Variants in PLEKHA7 observed in about 807,000 individuals in gnomAD.
PLEKHA7 encodes pleckstrin homology domain-containing family A member 7.
Under a neutral mutation model 170.0 loss-of-function variants are expected in PLEKHA7, and 104 were observed. The ratio of observed to expected loss-of-function variants is 0.61; its 90% CI spans 0.52 to 0.72. The LOEUF is 0.72. PLEKHA7 is among the 30% of genes least tolerant of loss of function. PLEKHA7 has a pLI of 0.00. For missense variants in PLEKHA7, 1,615 were observed against 1,671.7 expected (o/e 0.97, Z 0.59); for synonymous variants, 648 against 660.8 (o/e 0.98, Z 0.30).
At chr11:16,965,042 C>T (rs1191112584) in intron 3 of PLEKHA7, among the ~76,000 whole-genome samples, 4 of 151,674 alleles carry the variant, frequency 2.6e-5, no homozygotes, top group East Asian at 1.9e-4. Flanking sequence ...GATACAGTGG[C>T]TCATGCCTGT....
intron 3 of PLEKHA7, among the ~76,000 whole-genome samples, chr11:16,973,641 G>T (rs939289110): frequency 2.0e-5 from 3 of 152,160 alleles, no homozygotes; most frequent in Non-Finnish European, 4.4e-5. Context: ...TCAATTGCAG[G>T]TGAGGCCTGG....
rs1293380721 is a variant in PLEKHA7, at chr11:16,817,184, G to C, written c.1482C>G (p.Asp494Glu). The change falls in exon 11 of 27, where the codon GAC becomes GAG. Residue 494 changes from aspartate (D) to glutamate (E), a missense_variant. By Grantham distance (45) the Asp-to-Glu change is conservative (BLOSUM62 2). Coordinates refer to ENST00000531066, the MANE Select transcript of PLEKHA7 (RefSeq NM_001329630.2). The surrounding 1 kb of genome is among the most constrained non-coding windows in gnomAD (Gnocchi z 4.4). ...TGGCTCGGTCCTGCGCATACTTGTAGTCACTTGGCAGGTTTCGGGGAGGTG... is the reference window on the plus strand; with the variant it reads ...TGGCTCGGTCCTGCGCATACTTGTACTCACTTGGCAGGTTTCGGGGAGGTG... ...SSPPPRNLPS[D>E]YKYAQDRASH... is the part of the protein sequence containing the mutation. 1.2e-6 allele frequency: 2 copies of C among 1,614,194 alleles called. No individual in the cohort carries two copies. The highest frequency in any genetic ancestry group is 2.2e-5 in the South Asian group (2 of 91,084).
intron 3 of PLEKHA7, among the ~76,000 whole-genome samples, chr11:16,908,266 A>AG (rs1429158261): frequency 1.4e-5 from 2 of 145,584 alleles, no homozygotes; most frequent in African/African-American, 2.5e-5. Flanking sequence ...TAAAAAAAAA[A>AG]AAAAGAAAAT....
intron 3 of PLEKHA7, among the ~76,000 whole-genome samples, chr11:16,989,623 T>C (rs1441070094): frequency 1.4e-4 from 21 of 152,212 alleles, no homozygotes; most frequent in Non-Finnish European, 1.5e-5. Context: ...GGTTTATCCA[T>C]CTCCCCACAC....
intron 3 of PLEKHA7, among the ~76,000 whole-genome samples, chr11:16,994,520 G>T (rs753328486): frequency 1.6e-4 from 24 of 152,246 alleles, no homozygotes; most frequent in Admixed American, 1.3e-4. Context: ...ATAGGTGGGG[G>T]CTGGAGTCTG....
chr11:17,005,506 T>A (rs1483661886), intron 3 of PLEKHA7, among the ~76,000 whole-genome samples: 1 of 152,040 alleles, frequency 6.6e-6, no homozygotes, highest in Non-Finnish European at 1.5e-5. Flanking sequence ...CAGTCTAGCC[T>A]AGGTGACAGA....
chr11:16,957,466 G>A (rs186080451), intron 3 of PLEKHA7, among the ~76,000 whole-genome samples: 1 of 152,242 alleles, frequency 6.6e-6, no homozygotes, highest in Admixed American at 6.5e-5. Context: ...AATATCCAGA[G>A]CAGATAAGTC....
In PLEKHA7 at chr11:16,794,742, C is replaced by T. The variant is rs149375585; in HGVS notation, c.2519-28G>A. The T allele has an allele frequency of 4.0e-3, 6,451 of 1,604,704 alleles. 19 individuals are homozygous for T. The highest frequency in any genetic ancestry group is 8.3e-3 in the Middle Eastern group (50 of 6,024). ...AAGGGGCATAGAAGGAAACAAAGCA[C>T]GGGATGGAACAAAGACCCCCTTCCT... On this transcript the variant is annotated intron_variant, in intron 18 of 26. Transcript: ENST00000531066.
rs568937247 is a variant in PLEKHA7 at position 16,989,061 on chromosome 11, G to A, written c.221+24928C>T. Among the ~76,000 whole-genome samples, 9 of 152,284 alleles carry A rather than the reference G, an allele frequency of 5.9e-5. No homozygotes were observed. The South Asian group carries it at 1.0e-3, about 18-fold the overall frequency. ...CCTCAAAGGGGTGACCCATGAATGC[G>A]CCCCAGTGCTCCATCTGTGATCTCC... On this transcript the variant is annotated intron_variant, in intron 3 of 26. Coordinates refer to ENST00000531066, the MANE Select transcript of PLEKHA7 (RefSeq NM_001329630.2).
At chr11:16,859,093 G>A (rs1449533910) in intron 4 of PLEKHA7, among the ~76,000 whole-genome samples, 1 of 152,226 alleles carries the variant, frequency 6.6e-6, no homozygotes, top group Non-Finnish European at 1.5e-5. Context: ...CCCAGGGAAG[G>A]GACTGTGTTG....
At chr11:16,930,235 GA>G (rs1360325826) in intron 3 of PLEKHA7, among the ~76,000 whole-genome samples, 6 of 152,014 alleles carry the variant, frequency 3.9e-5, no homozygotes, top group African/African-American at 1.4e-4. Context: ...TTAATCCAAG[GA>G]CTGAAGGCAG....
chr11:16,855,204 G>C (rs1038738659), intron 5 of PLEKHA7, among the ~76,000 whole-genome samples: 3 of 152,018 alleles, frequency 2.0e-5, no homozygotes, highest in African/African-American at 4.8e-5. Context: ...AAACCTCCCA[G>C]CTGGGTCACT....
chr11:16,803,299 G>A lies in PLEKHA7; in HGVS notation c.2008-4C>T. The A allele has an allele frequency of 6.2e-7, 1 of 1,611,718 alleles. No homozygotes were observed. The highest frequency in any genetic ancestry group is 8.5e-7 in the Non-Finnish European group (1 of 1,177,846). On this transcript the variant is annotated splice_region_variant and splice_polypyrimidine_tract_variant and intron_variant, in intron 13 of 26. Coordinates refer to ENST00000531066, the MANE Select transcript of PLEKHA7 (RefSeq NM_001329630.2). ...TGAGAAGGTCCCGGCCTGTCATCTG[G>A]GAGGCGAACAATTTAAAAGAGATTT...
chr11:16,783,780 G>A lies in PLEKHA7; in HGVS notation c.3570C>T (p.Pro1190=), dbSNP rs1387035651. 14 of 1,514,466 alleles carry A rather than the reference G, an allele frequency of 9.2e-6. No homozygotes were observed. The highest frequency in any genetic ancestry group is 2.6e-5 in the East Asian group (1 of 38,722). The allele number at this position is 1,514,466 out of a possible 1,614,324, so 93.8% of individuals were successfully genotyped here. Residue 1190 remains proline, a synonymous_variant, in exon 25 of 27, where the codon CCC becomes CCT. Coordinates refer to ENST00000531066, the MANE Select transcript of PLEKHA7 (RefSeq NM_001329630.2). ...GCTCCTCAAGGCTGGGTGGCTCTTC[G>A]GGATCTAGCTCCACGTAGCGCTCAG... The part of the protein sequence containing the change: ...SIPERYVELD[P]EEPPSLEELQ...
intron 3 of PLEKHA7, among the ~76,000 whole-genome samples, chr11:16,982,780 T>TACACACACACACACACACACACACAC (rs35725815): frequency 6.9e-6 from 1 of 144,120 alleles, no homozygotes; most frequent in African/African-American, 2.6e-5. Flanking sequence ...CACTATCCCC[T>TACACACACACACACACACACACACAC]ACACACACAC....
At chr11:16,912,872 T>C (rs553563745) in intron 3 of PLEKHA7, among the ~76,000 whole-genome samples, 2 of 152,302 alleles carry the variant, frequency 1.3e-5, no homozygotes, top group African/African-American at 4.8e-5. Flanking sequence ...TGCTGGCCAA[T>C]TGCCAGCCAG....
At chr11:16,796,816 T>C (rs1848262379) in intron 17 of PLEKHA7, among the ~76,000 whole-genome samples, 1 of 152,104 alleles carries the variant, frequency 6.6e-6, no homozygotes, top group Admixed American at 6.5e-5. Flanking sequence ...CCACCATGCC[T>C]GGCTAGTTTT....
intron 3 of PLEKHA7, among the ~76,000 whole-genome samples, chr11:17,008,747 T>C (rs1467616552): frequency 6.6e-6 from 1 of 152,182 alleles, no homozygotes; most frequent in East Asian, 1.9e-4. Context: ...TGAGCCCCTC[T>C]TCTCTGCCAT....
chr11:16,998,913 C>T (rs982342671), intron 3 of PLEKHA7, among the ~76,000 whole-genome samples: 68 of 151,916 alleles, frequency 4.5e-4, no homozygotes, highest in African/African-American at 1.6e-3. Context: ...GGACTCTGAC[C>T]ACTGACTTAT....
Sources: allele counts gnomAD v4.1 joint callset (sites outside exome capture counted in the v4.1 genomes callset), GRCh38; gene constraint gnomAD v4.1.1; non-coding constraint Gnocchi (gnomAD v3.1); transcripts MANE v1.5; gene names NCBI Gene and HGNC (gene_info 2026-07-23, HGNC 2026-07-21).